The following ADORA1 variants were observed in gnomAD, a reference collection of about 807,000 sequenced individuals.
ADORA1 encodes the protein adenosine receptor A1.
ADORA1 carries 6 observed loss-of-function variants against 19.9 expected under a neutral mutation model. The ratio of observed to expected loss-of-function variants is 0.30; its 90% CI spans 0.17 to 0.59. The LOEUF is 0.59. Ranked by LOEUF, ADORA1 falls within the 20% of genes least tolerant of loss-of-function variation. The pLI is 0.87. For synonymous variants in ADORA1, 194 were observed against 188.4 expected (o/e 1.03, Z -0.24); for missense variants, 302 against 439.2 (o/e 0.69, Z 2.79).
Position 203,165,280 on chromosome 1 carries a change from C to T in ADORA1, c.361C>T (p.Pro121Ser), listed in dbSNP as rs201144654. 1 of 1,577,032 alleles carries T rather than the reference C, an allele frequency of 6.3e-7. No homozygotes were observed. Among genetic ancestry groups the T allele is most frequent in the Non-Finnish European group, 8.6e-7 (1 of 1,161,466 alleles). The change falls in exon 4 of 4, where the codon CCC (proline) becomes TCC (serine). Residue 121 changes from proline to serine, a missense_variant. Physicochemically the swap from Pro to Ser is moderately conservative, Grantham distance 74. Transcript: ENST00000337894. The surrounding 1 kb of genome is among the most constrained non-coding windows in gnomAD (Gnocchi z 5.9). Reference protein sequence around the residue: ...IPLRYKMVVTPRRAAVAIAGC... With the variant: ...IPLRYKMVVTSRRAAVAIAGC... ...CCCCAGGTACAAGATGGTGGTGACC[C>T]CCCGGAGGGCGGCGGTGGCCATAGC...
intron 3 of ADORA1, chr1:203,164,939 T>TG: frequency 8.9e-7 from 1 of 1,121,206 alleles, no homozygotes; most frequent in Non-Finnish European, 1.3e-6. Flanking sequence ...AGTGGGGGCA[T>TG]GCTGAGCACA....
At position 203,128,750 on chromosome 1, in the gene ADORA1, G is replaced by A; in HGVS notation, c.-57-35G>A. On this transcript the variant is annotated intron_variant, in intron 2 of 3. Transcript: ENST00000337894. The surrounding 1 kb of genome is among the most constrained non-coding windows in gnomAD (Gnocchi z 5.9). ...CCTGAGCTCCCTGCCCCTCCCAGAC[G>A]GGTCTCCCCATCCCAGGCTTCCCTG... is the stretch of plus-strand genomic sequence containing the variant. The A allele has an allele frequency of 6.6e-7, 1 of 1,510,638 alleles. No homozygotes were observed. The highest frequency in any genetic ancestry group is 1.3e-5 in the South Asian group (1 of 76,296). The allele number at this position is 1,510,638 out of a possible 1,614,324, so 93.6% of individuals were successfully genotyped here.
chr1:203,140,499 A>G (rs922780330), intron 3 of ADORA1, among the ~76,000 whole-genome samples: 4 of 152,162 alleles, frequency 2.6e-5, no homozygotes, highest in African/African-American at 9.7e-5. Flanking sequence ...TAGGTATCCA[A>G]ATGGAAGCAC....
intron 3 of ADORA1, among the ~76,000 whole-genome samples, chr1:203,154,184 C>T (rs1046349867): frequency 5.3e-5 from 8 of 152,200 alleles, no homozygotes; most frequent in Non-Finnish European, 2.9e-5. Flanking sequence ...ATCCTGCCCT[C>T]AGGCAAGCCA....
intron 3 of ADORA1, among the ~76,000 whole-genome samples, chr1:203,143,974 C>G (rs889488149): frequency 6.6e-6 from 1 of 152,166 alleles, no homozygotes; most frequent in East Asian, 1.9e-4. Flanking sequence ...CTCCTTCCAC[C>G]TGTACTCAAC....
chr1:203,153,568 G>A (rs1655103641), intron 3 of ADORA1, among the ~76,000 whole-genome samples: 1 of 152,248 alleles, frequency 6.6e-6, no homozygotes, highest in East Asian at 1.9e-4. Flanking sequence ...CTGCAGACTG[G>A]CCCTGGGGTG....
intron 3 of ADORA1, among the ~76,000 whole-genome samples, chr1:203,153,033 C>T (rs926373126): frequency 7.2e-5 from 11 of 152,184 alleles, no homozygotes; most frequent in East Asian, 1.9e-4. Flanking sequence ...AAGCCCCCTC[C>T]GGATCAGAAC....
chr1:203,162,838 A>T (rs1043975146), intron 3 of ADORA1, among the ~76,000 whole-genome samples: 3 of 152,160 alleles, frequency 2.0e-5, no homozygotes, highest in African/African-American at 7.2e-5. Context: ...TAAATGATAA[A>T]TGTGGTATAA....
chr1:203,160,548 C>A (rs1655330707), intron 3 of ADORA1, among the ~76,000 whole-genome samples: 1 of 152,218 alleles, frequency 6.6e-6, no homozygotes, highest in Non-Finnish European at 1.5e-5. Flanking sequence ...CGCAGTGGTG[C>A]ACGCCTGTAA....
At chr1:203,160,637 A>AC (rs1487543545) in intron 3 of ADORA1, among the ~76,000 whole-genome samples, 1 of 151,982 alleles carries the variant, frequency 6.6e-6, no homozygotes, top group Admixed American at 6.6e-5. Context: ...ACATAGTGAG[A>AC]CCCCCATCTC....
At chr1:203,134,117 C>T (rs12408764) in intron 3 of ADORA1, among the ~76,000 whole-genome samples, 1 of 152,166 alleles carries the variant, frequency 6.6e-6, no homozygotes, top group Admixed American at 6.5e-5. Context: ...GAAGCTCAAA[C>T]TCTCACACTT....
chr1:203,132,562 G>T (rs1240378365), intron 3 of ADORA1, among the ~76,000 whole-genome samples: 2 of 152,140 alleles, frequency 1.3e-5, no homozygotes, highest in African/African-American at 2.4e-5. Context: ...GGGGTTGGAG[G>T]TGGGGCATGG....
chr1:203,159,988 C>T (rs1655312727), intron 3 of ADORA1, among the ~76,000 whole-genome samples: 1 of 152,242 alleles, frequency 6.6e-6, no homozygotes, highest in Non-Finnish European at 1.5e-5. Context: ...TTGCCTGGAG[C>T]AGGAGAGGCT....
At chr1:203,138,222 G>A (rs1654572138) in intron 3 of ADORA1, among the ~76,000 whole-genome samples, 1 of 152,308 alleles carries the variant, frequency 6.6e-6, no homozygotes, top group Non-Finnish European at 1.5e-5. Flanking sequence ...AAGAAAATGA[G>A]TTTGGATTTA....
At chr1:203,156,320 C>A (rs569623771) in intron 3 of ADORA1, among the ~76,000 whole-genome samples, 1 of 152,230 alleles carries the variant, frequency 6.6e-6, no homozygotes, top group Admixed American at 6.5e-5. Flanking sequence ...GTGATAGAGA[C>A]TATTTTTCAG....
intron 3 of ADORA1, among the ~76,000 whole-genome samples, chr1:203,130,466 C>T (rs1235978046): frequency 6.6e-6 from 1 of 152,180 alleles, no homozygotes; most frequent in South Asian, 2.1e-4. Context: ...AGTCTCTCTG[C>T]CCTGTCTACC....
intron 3 of ADORA1, among the ~76,000 whole-genome samples, chr1:203,163,955 G>A (rs1044136373): frequency 7.2e-5 from 11 of 152,166 alleles, no homozygotes; most frequent in African/African-American, 2.2e-4. Context: ...TTCAGAAGCC[G>A]CATTGGAAAA....
chr1:203,160,601 C>T (rs918871254), intron 3 of ADORA1, among the ~76,000 whole-genome samples: 1 of 152,130 alleles, frequency 6.6e-6, no homozygotes, highest in African/African-American at 2.4e-5. Flanking sequence ...TCACTTGAGC[C>T]CTGGAGTTTG....
At chr1:203,135,906 C>A (rs145223156) in intron 3 of ADORA1, among the ~76,000 whole-genome samples, 1 of 152,242 alleles carries the variant, frequency 6.6e-6, no homozygotes, top group African/African-American at 2.4e-5. Context: ...ATTCTTTAGC[C>A]CACTTCCCCT....
Sources: gnomAD v4.1 joint callset for allele counts (sites outside exome capture counted in the v4.1 genomes callset) on GRCh38, gnomAD v4.1.1 for gene constraint, Gnocchi (gnomAD v3.1) non-coding constraint, MANE v1.5 for transcripts, NCBI Gene and HGNC (gene_info 2026-07-23, HGNC 2026-07-21) for gene names.